The following MDGA2 variants were observed in gnomAD, a reference collection of about 807,000 sequenced individuals.
MDGA2 encodes MAM domain-containing glycosylphosphatidylinositol anchor protein 2.
A neutral mutation model predicts 117.8 loss-of-function variants in MDGA2; 40 were observed. The observed-to-expected ratio is 0.34, with a 90% CI of 0.26 to 0.44. MDGA2 has a LOEUF of 0.44. MDGA2 is among the 20% of genes least tolerant of loss of function. The pLI is 1.00. For synonymous variants in MDGA2, 452 were observed against 439.0 expected, an observed-to-expected ratio of 1.03 and a Z score of -0.37; for missense variants, 1,123 against 1,250.6, an observed-to-expected ratio of 0.90 and a Z score of 1.54.
intron 6 of MDGA2, among the ~76,000 whole-genome samples, chr14:47,071,200 G>C (rs1594588617): frequency 6.6e-6 from 1 of 152,108 alleles, no homozygotes; most frequent in Admixed American, 6.5e-5. Flanking sequence ...GCTCAAAGAT[G>C]GAATGTCATG....
At position 47,169,702 on chromosome 14, in the gene MDGA2, A is replaced by G. The variant is rs374837577; in HGVS notation, c.596-25428T>C. Among the ~76,000 whole-genome samples the G allele has an allele frequency of 9.9e-5, 15 of 152,240 alleles. No homozygotes were observed. The East Asian group carries it at 1.7e-3, about 18-fold the overall frequency. The stretch of plus-strand genomic sequence containing the variant: ...AGATTTTTATATTTACTAATAATAC[A>G]TAATCAGTTTTTCTACTTGACAGTT... On this transcript the variant is annotated intron_variant, in intron 3 of 16. Coordinates refer to ENST00000399232, the MANE Select transcript of MDGA2 (RefSeq NM_001113498.3).
intron 3 of MDGA2, among the ~76,000 whole-genome samples, chr14:47,149,709 C>G (rs1390385549): frequency 2.0e-5 from 3 of 152,164 alleles, no homozygotes; most frequent in Admixed American, 2.0e-4. Flanking sequence ...CCCAAGCTTC[C>G]AAGAGCCATC....
At chr14:47,377,874 C>A (rs1412944991) in intron 1 of MDGA2, among the ~76,000 whole-genome samples, 1 of 152,178 alleles carries the variant, frequency 6.6e-6, no homozygotes, top group Non-Finnish European at 1.5e-5. Context: ...GTTCTCCCAG[C>A]ATGGAGTTTG....
intron 1 of MDGA2, among the ~76,000 whole-genome samples, chr14:47,673,805 A>G (rs1898120713): frequency 6.6e-6 from 1 of 151,934 alleles, no homozygotes; most frequent in African/African-American, 2.4e-5. Context: ...GGTTTTCCAG[A>G]GGGGAGATGA....
At position 46,843,051 on chromosome 14, in the gene MDGA2, A is replaced by G. The variant is rs547520005; in HGVS notation, c.2990-1032T>C. Among the ~76,000 whole-genome samples the G allele has an allele frequency of 2.0e-5, 3 of 152,194 alleles. No homozygotes were observed. The South Asian group carries it at 6.2e-4, about 32-fold the overall frequency. On this transcript the variant is annotated intron_variant, in intron 16 of 16. Coordinates refer to ENST00000399232, the MANE Select transcript of MDGA2 (RefSeq NM_001113498.3). ...TAAGATTATTTATTTCCCCTAATTT[A>G]TAGAGTTTAAATATAAATACACCCA...
At chr14:47,543,088 G>A (rs965705920) in intron 1 of MDGA2, among the ~76,000 whole-genome samples, 1 of 152,088 alleles carries the variant, frequency 6.6e-6, no homozygotes, top group Admixed American at 6.5e-5. Context: ...GTGCACATCT[G>A]TAGTCCCAGC....
intron 6 of MDGA2, among the ~76,000 whole-genome samples, chr14:47,072,191 G>A (rs113680050): frequency 2.0e-3 from 303 of 149,540 alleles, no homozygotes; most frequent in African/African-American, 7.0e-3. Flanking sequence ...AGAGTCACAC[G>A]TTCTAAGAAA....
intron 1 of MDGA2, among the ~76,000 whole-genome samples, chr14:47,375,549 A>G (rs571631732): frequency 7.2e-5 from 11 of 152,162 alleles, no homozygotes; most frequent in African/African-American, 2.6e-4. Context: ...TAAAAAAAAG[A>G]ATATTAACTT....
intron 1 of MDGA2, among the ~76,000 whole-genome samples, chr14:47,362,700 C>T (rs1891150729): frequency 6.6e-6 from 1 of 152,094 alleles, no homozygotes; most frequent in Non-Finnish European, 1.5e-5. Flanking sequence ...ATATTTAACA[C>T]AACATTTCAA....
chr14:46,931,424 C>A (rs1442577765), intron 9 of MDGA2, among the ~76,000 whole-genome samples: 1 of 151,324 alleles, frequency 6.6e-6, no homozygotes, highest in Non-Finnish European at 1.5e-5. Context: ...ATATGTACCA[C>A]GTTTTTCAGT....
rs375430810 is a variant in MDGA2, at chr14:47,158,733, G to A, written c.596-14459C>T. Among the ~76,000 whole-genome samples the A allele has an allele frequency of 2.0e-4, 30 of 152,282 alleles. No individual in the cohort carries two copies. The South Asian group carries it at 3.9e-3, about 20-fold the overall frequency. On this transcript the variant is annotated intron_variant, in intron 3 of 16. Transcript: ENST00000399232. Reference sequence around the variant, plus strand: ...GCCTCCCAAAGTGCTGGGATTACAGGCGTGAGCAACGCCCAGCTAGCAGCT... The same window carrying A: ...GCCTCCCAAAGTGCTGGGATTACAGACGTGAGCAACGCCCAGCTAGCAGCT...
chr14:47,615,482 T>C (rs1896931855), intron 1 of MDGA2, among the ~76,000 whole-genome samples: 1 of 152,212 alleles, frequency 6.6e-6, no homozygotes, highest in South Asian at 2.1e-4. Flanking sequence ...TATAGTAGCC[T>C]GGTGTAGTTA....
At chr14:46,997,387 G>A (rs1207536067) in intron 8 of MDGA2, among the ~76,000 whole-genome samples, 1 of 152,098 alleles carries the variant, frequency 6.6e-6, no homozygotes, top group Non-Finnish European at 1.5e-5. Flanking sequence ...TGATAGAGAT[G>A]TATATACTAG....
At chr14:47,036,085 C>T (rs1223889754) in intron 7 of MDGA2, among the ~76,000 whole-genome samples, 4 of 151,510 alleles carry the variant, frequency 2.6e-5, no homozygotes, top group Non-Finnish European at 4.4e-5. Context: ...CTGGCTAACA[C>T]GGTGAAACCC....
intron 1 of MDGA2, among the ~76,000 whole-genome samples, chr14:47,483,434 C>T (rs1475244017): frequency 1.3e-5 from 2 of 152,056 alleles, no homozygotes; most frequent in Non-Finnish European, 2.9e-5. Context: ...TATTTCTTTT[C>T]GTTCGTCCTG....
intron 8 of MDGA2, among the ~76,000 whole-genome samples, chr14:46,958,029 A>G (rs1032348796): frequency 1.3e-5 from 2 of 152,140 alleles, no homozygotes; most frequent in Non-Finnish European, 2.9e-5. Context: ...TGCAATGAAA[A>G]GATTCCTTTC....
chr14:46,845,670 AT>A (rs149291885), intron 16 of MDGA2, 95 bp downstream of exon 16: 162,171 of 756,094 alleles, frequency 0.21, 21,264 homozygotes, highest in Non-Finnish European at 0.26. Flanking sequence ...CCAACTAAAA[AT>A]AACTCCGTTT....
chr14:47,003,119 A>G (rs376554167), intron 8 of MDGA2, among the ~76,000 whole-genome samples: 2 of 152,160 alleles, frequency 1.3e-5, no homozygotes, highest in African/African-American at 2.4e-5. Context: ...TTCTAAAAAA[A>G]GCTGGCTTCT....
intron 3 of MDGA2, among the ~76,000 whole-genome samples, chr14:47,173,310 T>C (rs1342157710): frequency 2.6e-5 from 4 of 152,068 alleles, no homozygotes; most frequent in Non-Finnish European, 4.4e-5. Context: ...GCCACAAAGA[T>C]ACTCCTCAAG....
Sources: gnomAD v4.1 joint callset for allele counts (sites outside exome capture counted in the v4.1 genomes callset) on GRCh38, gnomAD v4.1.1 for gene constraint, MANE v1.5 for transcripts, NCBI Gene and HGNC (gene_info 2026-07-23, HGNC 2026-07-21) for gene names.